SINHCAF: variants seen among roughly 807,000 people sequenced by gnomAD.
The protein encoded by SINHCAF is SIN3-HDAC complex-associated factor.
In SINHCAF, 3 loss-of-function variants were observed where a neutral mutation model predicts 25.8. The ratio of observed to expected loss-of-function variants is 0.12; its 90% confidence interval spans 0.05 to 0.30. The LOEUF (loss-of-function observed/expected upper bound fraction) is 0.30, where lower values mean the gene tolerates loss of function less well. Ranked by LOEUF, SINHCAF falls within the 10% of genes least tolerant of loss-of-function variation. The probability of loss-of-function intolerance (pLI) is 1.00; values close to 1 mark genes in which losing one functional copy is unlikely to be tolerated. For synonymous variants in SINHCAF, 70 were observed against 85.5 expected (o/e 0.82, Z 1.00); for missense variants, 121 against 262.3 (o/e 0.46, Z 3.72).
At chr12:31,289,116 CATATGAACGACACAGAAAACAA>C (rs1326824454) in intron 4 of SINHCAF, among the ~76,000 whole-genome samples, 1 of 152,130 alleles carries the variant, frequency 6.6e-6, no homozygotes, top group Non-Finnish European at 1.5e-5. Context: ...GAAATTGCCC[CATATGAACGACACAGAAAACAA>C]ATGAACAGAG....
Position 31,293,906 on chromosome 12 carries a change from C to G in SINHCAF, c.254G>C (p.Ser85Thr), listed in dbSNP as rs752427900. 4 of 1,612,924 alleles carry G rather than the reference C, an allele frequency of 2.5e-6. No homozygotes were observed. The highest frequency in any genetic ancestry group is 3.4e-6 in the Non-Finnish European group (4 of 1,179,356). Reference protein sequence around the residue: ...NHVVDARAGPSLKTTLKPKKV... With the variant: ...NHVVDARAGPTLKTTLKPKKV... ...CTTTGGTTTCAATGTAGTCTTTAGA[C>G]TGGGTCCAGCCCTTGCATCTACCAC... is the stretch of plus-strand genomic sequence containing the variant. The change falls in exon 4 of 6, where the codon AGT becomes ACT. Residue 85 changes from serine (S) to threonine (T), a missense_variant. Coordinates refer to ENST00000337682, the MANE Select transcript of SINHCAF (RefSeq NM_001135812.2).
intron 2 of SINHCAF, 77 bp downstream of exon 2, chr12:31,298,000 C>T (rs772665752): frequency 3.0e-5 from 42 of 1,381,706 alleles, no homozygotes; most frequent in Non-Finnish European, 3.8e-5. Flanking sequence ...TTGTTCCAAT[C>T]ACCTTGCTTA....
At chr12:31,289,322 C>A (rs1446327962) in intron 4 of SINHCAF, among the ~76,000 whole-genome samples, 1 of 152,128 alleles carries the variant, frequency 6.6e-6, no homozygotes, top group East Asian at 1.9e-4. Context: ...CAAAGCCCAA[C>A]AGAATAAACC....
intron 4 of SINHCAF, among the ~76,000 whole-genome samples, chr12:31,291,849 C>T (rs1938342483): frequency 6.6e-6 from 1 of 151,774 alleles, no homozygotes; most frequent in South Asian, 2.1e-4. Flanking sequence ...AACACATAAC[C>T]AGAAGCACAG....
Position 31,313,935 on chromosome 12 carries a change from G to A in SINHCAF, c.-21+12089C>T, listed in dbSNP as rs143858312. Among the ~76,000 whole-genome samples the A allele has an allele frequency of 6.0e-3, 917 of 152,102 alleles. 12 individuals are homozygous for A. The highest frequency in any genetic ancestry group is 0.021 in the African/African-American group (870 of 41,478). On this transcript the variant is annotated intron_variant, in intron 1 of 5. Transcript: ENST00000337682. ...CTCCCAAAGTGCTGGGATTACAGGCGTGAGCCACCACGCCCGGCCAATTAA... is the reference window on the plus strand; with the variant it reads ...CTCCCAAAGTGCTGGGATTACAGGCATGAGCCACCACGCCCGGCCAATTAA...
intron 1 of SINHCAF, among the ~76,000 whole-genome samples, chr12:31,312,871 T>C (rs1939331290): frequency 6.6e-6 from 1 of 152,214 alleles, no homozygotes; most frequent in Non-Finnish European, 1.5e-5. Flanking sequence ...ATTATTATCT[T>C]CCAGAAGTTT....
intron 1 of SINHCAF, among the ~76,000 whole-genome samples, chr12:31,307,986 G>A (rs1024544960): frequency 6.6e-6 from 1 of 152,092 alleles, no homozygotes; most frequent in Non-Finnish European, 1.5e-5. Flanking sequence ...CTCTTGCTCT[G>A]TCACTTAGGC....
chr12:31,293,722 A>G, intron 4 of SINHCAF, 83 bp downstream of exon 4: 1 of 1,211,936 alleles, frequency 8.3e-7, no homozygotes, highest in Non-Finnish European at 1.1e-6. Flanking sequence ...AAAGGAAAAA[A>G]TGATCCACAC....
At chr12:31,301,052 C>T (rs1226327538) in intron 1 of SINHCAF, among the ~76,000 whole-genome samples, 1 of 152,200 alleles carries the variant, frequency 6.6e-6, no homozygotes, top group African/African-American at 2.4e-5. Flanking sequence ...GCATTCAGCT[C>T]ATCTCTAGGA....
At position 31,324,772 on chromosome 12, in the gene SINHCAF, A is replaced by C. The variant is rs778797045; in HGVS notation, c.-21+1252T>G. 2.8e-6 allele frequency: 1 copy of C among 354,624 alleles called. No homozygotes were observed. The highest frequency in any genetic ancestry group is 5.6e-6 in the Non-Finnish European group (1 of 177,648). 22.0% of individuals were successfully genotyped at this position (354,624 alleles called of 1,614,324 possible). ...GGGGTCCGGACCCCGCGCCCCGAAG[A>C]GTCCGGAGCCTGGCCCCCCGACCCT... On this transcript the variant is annotated intron_variant, in intron 1 of 5. Transcript: ENST00000337682. The surrounding 1 kb of genome is among the most constrained non-coding windows in gnomAD (Gnocchi z 5.5).
At chr12:31,302,810 A>T (rs1938862719) in intron 1 of SINHCAF, 1 of 414,224 alleles carries the variant, frequency 2.4e-6, no homozygotes, top group Non-Finnish European at 3.2e-6. Flanking sequence ...AGGATGATTG[A>T]TTCCATCCTG....
chr12:31,303,471 G>C (rs1019797693), intron 1 of SINHCAF: 1 of 152,672 alleles, frequency 6.5e-6, no homozygotes, highest in African/African-American at 2.4e-5. Context: ...TAATGGGCGG[G>C]GAGGGTGTTA....
intron 1 of SINHCAF, among the ~76,000 whole-genome samples, chr12:31,313,120 G>C (rs1366909514): frequency 6.6e-6 from 1 of 152,122 alleles, no homozygotes; most frequent in Admixed American, 6.5e-5. Context: ...CACCTCCTGG[G>C]TTCAGGCGAT....
At chr12:31,304,099 G>A (rs1400936642) in intron 1 of SINHCAF, 3 of 118,252 alleles carry the variant, frequency 2.5e-5, no homozygotes, top group Non-Finnish European at 3.2e-5. Context: ...CAACCTAGGC[G>A]AAAGAGCAAG....
At chr12:31,302,918 T>C in intron 1 of SINHCAF, 1 of 985,104 alleles carries the variant, frequency 1.0e-6, no homozygotes, top group Non-Finnish European at 1.2e-6. Flanking sequence ...TCAGCCTTAG[T>C]TAATAGGCCA....
At chr12:31,289,747 T>TC (rs978906244) in intron 4 of SINHCAF, among the ~76,000 whole-genome samples, 7 of 152,090 alleles carry the variant, frequency 4.6e-5, no homozygotes, top group Admixed American at 4.6e-4. Context: ...TTATAAGGCA[T>TC]CAAATCCTAT....
In SINHCAF at chr12:31,313,382, T is replaced by C. The variant is rs150243199; in HGVS notation, c.-21+12642A>G. Among the ~76,000 whole-genome samples, 7 of 152,348 alleles carry C rather than the reference T, an allele frequency of 4.6e-5. No homozygotes were observed. The East Asian group carries it at 1.4e-3, about 29-fold the overall frequency. On this transcript the variant is annotated intron_variant, in intron 1 of 5. Coordinates refer to ENST00000337682, the MANE Select transcript of SINHCAF (RefSeq NM_001135812.2). Reference sequence around the variant, plus strand: ...TGGTACTGCTGTCATAAATTCAATATGGGGCTGTATCTGAATGCTCTATTC... The same window carrying C: ...TGGTACTGCTGTCATAAATTCAATACGGGGCTGTATCTGAATGCTCTATTC...
intron 5 of SINHCAF, among the ~76,000 whole-genome samples, chr12:31,287,324 A>T (rs1396102390): frequency 6.6e-6 from 1 of 152,142 alleles, no homozygotes; most frequent in Non-Finnish European, 1.5e-5. Flanking sequence ...TATCTCTAGT[A>T]TATTTTTGGT....
chr12:31,295,180 T>A (rs1300759074), intron 3 of SINHCAF, 54 bp downstream of exon 3: 4 of 1,070,800 alleles, frequency 3.7e-6, no homozygotes, highest in Non-Finnish European at 5.6e-6. Flanking sequence ...GGGAAATTAA[T>A]GTTACTTTAA....
Sources: gnomAD v4.1 joint callset for allele counts (sites outside exome capture counted in the v4.1 genomes callset) on GRCh38, gnomAD v4.1.1 for gene constraint, Gnocchi (gnomAD v3.1) non-coding constraint, MANE v1.5 for transcripts, NCBI Gene and HGNC (gene_info 2026-07-23, HGNC 2026-07-21) for gene names.